The following FNDC3A variants were observed in gnomAD, a reference collection of about 807,000 sequenced individuals.
FNDC3A encodes the protein fibronectin type-III domain-containing protein 3A.
A neutral mutation model predicts 148.9 loss-of-function variants in FNDC3A; 32 were observed. The ratio of observed to expected loss-of-function variants is 0.21; its 90% CI spans 0.16 to 0.29. The LOEUF is 0.29. FNDC3A is among the 10% of genes least tolerant of loss of function. The pLI, the probability that FNDC3A is intolerant of heterozygous loss-of-function variation, is 1.00. For synonymous variants in FNDC3A, 472 were observed against 473.6 expected (o/e 1.00, Z 0.04); for missense variants, 1,191 against 1,452.8 (o/e 0.82, Z 2.93).
At chr13:49,000,964 TTG>T (rs149236388) in intron 1 of FNDC3A, among the ~76,000 whole-genome samples, 37 of 149,850 alleles carry the variant, frequency 2.5e-4, no homozygotes, top group African/African-American at 2.7e-4. Flanking sequence ...TTTTGTGTGT[TTG>T]TGTGTGTGTG....
At chr13:49,193,453 G>A (rs1044591089) in intron 19 of FNDC3A, among the ~76,000 whole-genome samples, 2 of 151,992 alleles carry the variant, frequency 1.3e-5, no homozygotes, top group African/African-American at 4.8e-5. Flanking sequence ...TAGAGATGGG[G>A]GTCCCCTTAT....
rs191519277 is a variant in FNDC3A at position 49,161,683 on chromosome 13, G to C, written c.978-5561G>C. Among the ~76,000 whole-genome samples, 312 of 152,278 alleles carry C rather than the reference G, an allele frequency of 2.0e-3. 2 individuals are homozygous for C. Among genetic ancestry groups the C allele is most frequent in the African/African-American group, 6.9e-3 (288 of 41,568 alleles). ...CCGGTTATTTTGCCCATTAGTTGAT[G>C]CAGTTTCTTCCTAGCATCGATGATG... is the stretch of plus-strand genomic sequence containing the variant. On this transcript the variant is annotated intron_variant, in intron 8 of 25. Coordinates refer to ENST00000492622, the MANE Select transcript of FNDC3A (RefSeq NM_001079673.2).
chr13:49,072,845 G>T (rs1408932412), intron 2 of FNDC3A, among the ~76,000 whole-genome samples: 1 of 112,366 alleles, frequency 8.9e-6, no homozygotes, highest in East Asian at 2.4e-4. Flanking sequence ...TTGTTTGTCA[G>T]TTCTAAGAGT....
chr13:49,095,828 A>G (rs752100526), intron 3 of FNDC3A, among the ~76,000 whole-genome samples: 31 of 152,190 alleles, frequency 2.0e-4, no homozygotes, highest in Non-Finnish European at 3.4e-4. Context: ...TCCAGAGAAT[A>G]CTTATATAAC....
At chr13:49,113,209 G>A (rs1433826803) in intron 3 of FNDC3A, among the ~76,000 whole-genome samples, 7 of 145,882 alleles carry the variant, frequency 4.8e-5, no homozygotes, top group Admixed American at 2.1e-4. Flanking sequence ...CTTACCTCTC[G>A]CCTCTCTCCT....
At position 49,064,426 on chromosome 13, in the gene FNDC3A, A is replaced by C. The variant is rs377393936; in HGVS notation, c.100-10863A>C. Among the ~76,000 whole-genome samples, 495 of 136,732 alleles carry C rather than the reference A, an allele frequency of 3.6e-3. 4 individuals carry two copies. Among genetic ancestry groups the C allele is most frequent in the African/African-American group, 0.012 (467 of 37,420 alleles). The allele number at this position is 136,732 out of a possible 152,430, so 89.7% of individuals were successfully genotyped here. ...GCCCCCCCCCCAAAAAAAAAACAAC[A>C]AGGGGTTTGTTCACCTAGCAAGCAA... On this transcript the variant is annotated intron_variant, in intron 2 of 25. Coordinates refer to ENST00000492622, the MANE Select transcript of FNDC3A (RefSeq NM_001079673.2).
chr13:49,151,758 G>A (rs1883310420), intron 8 of FNDC3A, among the ~76,000 whole-genome samples: 1 of 152,032 alleles, frequency 6.6e-6, no homozygotes, highest in Non-Finnish European at 1.5e-5. Context: ...GCCCCAGTGT[G>A]TGATGTTCCC....
chr13:49,171,976 G>A (rs1191145494), intron 10 of FNDC3A, 67 bp from the exon 11 acceptor site: 2 of 1,061,250 alleles, frequency 1.9e-6, no homozygotes, highest in Non-Finnish European at 1.4e-6. Flanking sequence ...CCTTATATTA[G>A]ATCATCACAG....
intron 3 of FNDC3A, among the ~76,000 whole-genome samples, chr13:49,100,172 G>A (rs1471573641): frequency 1.3e-5 from 2 of 151,986 alleles, no homozygotes; most frequent in African/African-American, 2.4e-5. Context: ...GCTCTTTAAT[G>A]TACTTGCATA....
intron 1 of FNDC3A, among the ~76,000 whole-genome samples, chr13:48,994,450 A>T (rs778934271): frequency 2.0e-4 from 31 of 152,228 alleles, no homozygotes; most frequent in Non-Finnish European, 3.4e-4. Context: ...TTATGTTTTA[A>T]AAAGGAGTTC....
intron 8 of FNDC3A, among the ~76,000 whole-genome samples, chr13:49,158,263 G>A (rs1220470027): frequency 2.6e-5 from 4 of 152,172 alleles, no homozygotes; most frequent in Admixed American, 6.5e-5. Flanking sequence ...CGCAATATTC[G>A]GGAGGGAGTG....
Position 49,172,104 on chromosome 13 carries a change from A to G in FNDC3A, c.1230+8A>G, listed in dbSNP as rs777530163. ...GTATTAGAATGGGATGAAGTAAGTAAATTGAATCTTTTTAAATGGTTAACA... is the reference window on the plus strand; with the variant it reads ...GTATTAGAATGGGATGAAGTAAGTAGATTGAATCTTTTTAAATGGTTAACA... On this transcript the variant is annotated splice_region_variant and intron_variant, in intron 11 of 25. Transcript: ENST00000492622. 6.4e-7 allele frequency: 1 copy of G among 1,559,988 alleles called. No individual in the cohort carries two copies. The highest frequency in any genetic ancestry group is 1.1e-5 in the South Asian group (1 of 88,324).
intron 2 of FNDC3A, among the ~76,000 whole-genome samples, 148 bp from the exon 3 acceptor site, chr13:49,075,135 ATTTTTT>A (rs202029089): frequency 6.6e-6 from 1 of 151,546 alleles, no homozygotes; most frequent in Non-Finnish European, 1.5e-5. Flanking sequence ...GTGATGTCAC[ATTTTTT>A]TTAGCAAACC....
intron 2 of FNDC3A, chr13:49,044,978 G>A (rs1875247809): frequency 3.1e-6 from 1 of 317,550 alleles, no homozygotes; most frequent in South Asian, 2.9e-5. Flanking sequence ...TCACAAATGG[G>A]GATATCTGCA....
At chr13:49,166,896 A>C (rs1396407928) in intron 8 of FNDC3A, among the ~76,000 whole-genome samples, 1 of 152,190 alleles carries the variant, frequency 6.6e-6, no homozygotes, top group Non-Finnish European at 1.5e-5. Context: ...TCAACAGTAC[A>C]TGTTTTATTT....
At chr13:49,136,298 ATCT>A (rs1174122823) in intron 5 of FNDC3A, 31 bp from the exon 6 acceptor site, 3 of 1,558,486 alleles carry the variant, frequency 1.9e-6, no homozygotes, top group East Asian at 2.3e-5. Context: ...GGAGAAAGTG[ATCT>A]TCTTAACATT....
At chr13:49,022,414 A>G (rs958550692) in intron 2 of FNDC3A, among the ~76,000 whole-genome samples, 1 of 152,184 alleles carries the variant, frequency 6.6e-6, no homozygotes, top group African/African-American at 2.4e-5. Context: ...GTTTAAATGG[A>G]AATAAGAAGG....
At chr13:49,042,599 G>C (rs961577972) in intron 2 of FNDC3A, among the ~76,000 whole-genome samples, 4 of 151,936 alleles carry the variant, frequency 2.6e-5, no homozygotes, top group African/African-American at 9.7e-5. Flanking sequence ...AAGATAGTGA[G>C]ACCCTGTCAA....
chr13:49,155,363 T>A (rs1402709273), intron 8 of FNDC3A, among the ~76,000 whole-genome samples: 4 of 150,858 alleles, frequency 2.7e-5, no homozygotes, highest in Non-Finnish European at 2.9e-5. Flanking sequence ...TCAGTGGTGA[T>A]ATCCCCTTTA....
Sources: allele counts gnomAD v4.1 joint callset (sites outside exome capture counted in the v4.1 genomes callset), GRCh38; gene constraint gnomAD v4.1.1; transcripts MANE v1.5; gene names NCBI Gene and HGNC (gene_info 2026-07-23, HGNC 2026-07-21).